CADM2: variants seen among roughly 807,000 people sequenced by gnomAD.
CADM2 encodes the protein cell adhesion molecule 2.
CADM2 carries 12 observed loss-of-function variants against 49.8 expected under a neutral mutation model. The ratio of observed to expected loss-of-function variants is 0.24; its 90% CI spans 0.15 to 0.39. The LOEUF (loss-of-function observed/expected upper bound fraction) is 0.39. CADM2 is among the 10% of genes least tolerant of loss of function. The pLI is 1.00. For missense variants in CADM2, 378 were observed against 492.3 expected (o/e 0.77, Z 2.20); for synonymous variants, 214 against 175.4 (o/e 1.22, Z -1.74).
chr3:85,872,822 T>G (rs780532213), intron 3 of CADM2, among the ~76,000 whole-genome samples: 11 of 152,002 alleles, frequency 7.2e-5, no homozygotes, highest in Non-Finnish European at 1.5e-4. Flanking sequence ...GTATTAAGTA[T>G]TAAGATATGC....
chr3:85,356,890 TGCA>T (rs2031906211), intron 1 of CADM2, among the ~76,000 whole-genome samples: 1 of 152,124 alleles, frequency 6.6e-6, no homozygotes, highest in South Asian at 2.1e-4. Flanking sequence ...TGATAAAATC[TGCA>T]GCATTTATTT....
intron 3 of CADM2, among the ~76,000 whole-genome samples, chr3:85,880,789 T>G (rs1380628548): frequency 2.0e-5 from 3 of 152,212 alleles, no homozygotes; most frequent in Non-Finnish European, 4.4e-5. Flanking sequence ...CCCACTCATC[T>G]GACAGGAGGT....
chr3:85,961,547 A>T lies in CADM2; in HGVS notation c.870A>T (p.Leu290=). The change falls in exon 8 of 10, where the codon CTA becomes CTT. Residue 290 remains leucine (L), a synonymous_variant. Coordinates refer to ENST00000383699, the MANE Select transcript of CADM2 (RefSeq NM_001167675.2). ...GAATGGTTGTGAGTGGTAGGGAGCTAAACATTCTTTTCCTGAACAAAACGG... is the reference window on the plus strand; with the variant it reads ...GAATGGTTGTGAGTGGTAGGGAGCTTAACATTCTTTTCCTGAACAAAACGG... ...PDRMVVSGRE[L]NILFLNKTDN... is the part of the protein sequence containing the mutation. 6.2e-7 allele frequency: 1 copy of T among 1,610,978 alleles called. No individual in the cohort carries two copies. The highest frequency in any genetic ancestry group is 8.5e-7 in the Non-Finnish European group (1 of 1,177,782).
At chr3:85,175,000 A>C (rs2040739509) in intron 1 of CADM2, among the ~76,000 whole-genome samples, 1 of 152,206 alleles carries the variant, frequency 6.6e-6, no homozygotes, top group African/African-American at 2.4e-5. Context: ...AGATATACAA[A>C]TGGACAATAA....
chr3:85,854,041 G>A (rs1048268562), intron 3 of CADM2, among the ~76,000 whole-genome samples: 2 of 152,146 alleles, frequency 1.3e-5, no homozygotes, highest in African/African-American at 2.4e-5. Context: ...GTGGTCAGCT[G>A]ACTCCAGAAC....
At chr3:85,274,269 C>T (rs994505349) in intron 1 of CADM2, among the ~76,000 whole-genome samples, 6 of 151,094 alleles carry the variant, frequency 4.0e-5, no homozygotes, top group South Asian at 2.1e-4. Context: ...GTTCAGGAGA[C>T]GCATATAAGA....
intron 1 of CADM2, among the ~76,000 whole-genome samples, chr3:85,580,942 G>T (rs1174120433): frequency 6.6e-6 from 1 of 151,944 alleles, no homozygotes; most frequent in African/African-American, 2.4e-5. Context: ...ATTCATTCCA[G>T]TACACAAAGA....
chr3:85,935,692 A>G, intron 6 of CADM2, 75 bp from the exon 7 acceptor site: 1 of 654,222 alleles, frequency 1.5e-6, no homozygotes, highest in South Asian at 2.7e-5. Context: ...CTGAACACAC[A>G]GCATGATGCA....
intron 1 of CADM2, among the ~76,000 whole-genome samples, chr3:85,318,112 G>A (rs1020917466): frequency 7.2e-4 from 109 of 151,306 alleles, no homozygotes; most frequent in African/African-American, 2.5e-3. Flanking sequence ...GGAGGTTGCA[G>A]TGAGCCATGA....
intron 1 of CADM2, among the ~76,000 whole-genome samples, chr3:85,236,115 CA>C (rs1454840812): frequency 6.6e-6 from 1 of 151,886 alleles, no homozygotes; most frequent in Non-Finnish European, 1.5e-5. Context: ...TTGGACAGGC[CA>C]AAAAAGTACT....
At chr3:85,011,680 C>G (rs1206348691) in intron 1 of CADM2, among the ~76,000 whole-genome samples, 1 of 151,658 alleles carries the variant, frequency 6.6e-6, no homozygotes, top group Non-Finnish European at 1.5e-5. Flanking sequence ...GAGGATCGCT[C>G]GAGCTCAGCC....
chr3:85,034,060 A>C, intron 1 of CADM2, among the ~76,000 whole-genome samples: 1 of 152,174 alleles, frequency 6.6e-6, no homozygotes, highest in East Asian at 1.9e-4. Context: ...AATGTATAAT[A>C]ATCACATCAA....
intron 1 of CADM2, among the ~76,000 whole-genome samples, chr3:85,452,408 T>G (rs1190074374): frequency 6.6e-6 from 1 of 152,166 alleles, no homozygotes; most frequent in Non-Finnish European, 1.5e-5. Flanking sequence ...AGGAATAGTC[T>G]GCCTTGAAGA....
intron 8 of CADM2, among the ~76,000 whole-genome samples, chr3:86,026,198 T>G (rs1245704154): frequency 6.6e-6 from 1 of 152,088 alleles, no homozygotes; most frequent in Non-Finnish European, 1.5e-5. Context: ...TTGGGAAAAA[T>G]GCGATTCAAA....
intron 8 of CADM2, chr3:86,012,429 G>T (rs771680608): frequency 4.8e-6 from 2 of 417,142 alleles, no homozygotes; most frequent in Non-Finnish European, 8.5e-6. Context: ...CTTCTCGCCC[G>T]CCCGCCCCTC....
At chr3:85,112,804 G>A (rs1170151415) in intron 1 of CADM2, among the ~76,000 whole-genome samples, 1 of 151,406 alleles carries the variant, frequency 6.6e-6, no homozygotes, top group Admixed American at 6.6e-5. Flanking sequence ...CCCTTTTGTA[G>A]ATTTGCAAAG....
chr3:85,082,602 C>T (rs1322049164), intron 1 of CADM2, among the ~76,000 whole-genome samples: 1 of 152,066 alleles, frequency 6.6e-6, no homozygotes, highest in Non-Finnish European at 1.5e-5. Context: ...TGACCTGTGA[C>T]ATAGAAGTGA....
chr3:85,253,436 T>A (rs916238690), intron 1 of CADM2, among the ~76,000 whole-genome samples: 5 of 152,064 alleles, frequency 3.3e-5, no homozygotes, highest in African/African-American at 1.2e-4. Context: ...CCCCTGGAAA[T>A]CTTTGCAAGT....
intron 2 of CADM2, among the ~76,000 whole-genome samples, chr3:85,798,096 T>C (rs554347594): frequency 6.6e-6 from 1 of 152,314 alleles, no homozygotes; most frequent in Admixed American, 6.5e-5. Flanking sequence ...TTTGCCCACT[T>C]TTTGATGGGG....
Sources: gnomAD v4.1 joint callset for allele counts (sites outside exome capture counted in the v4.1 genomes callset) on GRCh38, gnomAD v4.1.1 for gene constraint, MANE v1.5 for transcripts, NCBI Gene and HGNC (gene_info 2026-07-23, HGNC 2026-07-21) for gene names.